The following LARGE1 variants were observed in gnomAD, a reference collection of about 807,000 sequenced individuals.
LARGE1 encodes xylosyl- and glucuronyltransferase LARGE1.
In LARGE1, 43 loss-of-function variants were observed where a neutral mutation model predicts 87.6. The observed-to-expected ratio is 0.49, with a 90% CI of 0.38 to 0.63. LARGE1 has a LOEUF of 0.63. LARGE1 is among the 30% of genes least tolerant of loss of function. The probability of loss-of-function intolerance (pLI) is 0.00; values close to 1 mark genes in which losing one functional copy is unlikely to be tolerated. For synonymous variants in LARGE1, 434 were observed against 394.6 expected, an observed-to-expected ratio of 1.10 and a Z score of -1.18; for missense variants, 802 against 1,000.2, an observed-to-expected ratio of 0.80 and a Z score of 2.67.
intron 11 of LARGE1, among the ~76,000 whole-genome samples, chr22:33,242,572 GT>G (rs1046250800): frequency 6.6e-6 from 1 of 151,798 alleles, no homozygotes; most frequent in Non-Finnish European, 1.5e-5. Context: ...TTTTCTTTCC[GT>G]TTTTTTCATA....
Position 33,347,641 on chromosome 22 carries a change from C to T in LARGE1, c.1132-9840G>A, listed in dbSNP as rs534943215. 1.1e-3 allele frequency among the ~76,000 whole-genome samples: 160 copies of T among 152,222 alleles called. 1 individual carries two copies. Among genetic ancestry groups the T allele is most frequent in the Middle Eastern group, 3.4e-3 (1 of 294 alleles). ...CACAAGTCCTTTTCCTTGTCATCTT[C>T]GGGATTATGACACATGAGAGAAAAG... On this transcript the variant is annotated intron_variant, in intron 9 of 14. Transcript: ENST00000397394.
intron 10 of LARGE1, among the ~76,000 whole-genome samples, chr22:33,325,236 T>G (rs766308009): frequency 1.6e-4 from 24 of 152,240 alleles, no homozygotes; most frequent in Non-Finnish European, 2.8e-4. Flanking sequence ...AGAAACATCC[T>G]GTGCTCACCA....
chr22:33,442,958 A>C (rs1358789052), intron 6 of LARGE1, among the ~76,000 whole-genome samples: 1 of 151,924 alleles, frequency 6.6e-6, no homozygotes. Flanking sequence ...CATCCGGCTA[A>C]TTTTTTGTAT....
intron 7 of LARGE1, among the ~76,000 whole-genome samples, chr22:33,397,360 C>T (rs2065786104): frequency 6.6e-6 from 1 of 152,222 alleles, no homozygotes; most frequent in Admixed American, 6.5e-5. Context: ...GCTGATCCTA[C>T]CGCCTTGGCC....
At chr22:33,233,711 T>C (rs1440199397) in intron 11 of LARGE1, among the ~76,000 whole-genome samples, 1 of 152,164 alleles carries the variant, frequency 6.6e-6, no homozygotes, top group Non-Finnish European at 1.5e-5. Flanking sequence ...ATAATTTTCT[T>C]TGCATTTTAA....
intron 1 of LARGE1, among the ~76,000 whole-genome samples, chr22:33,774,578 G>A (rs576103145): frequency 3.3e-5 from 5 of 152,140 alleles, no homozygotes; most frequent in Non-Finnish European, 5.9e-5. Context: ...GGCTGGTCTC[G>A]AACTCCTGAC....
intron 10 of LARGE1, among the ~76,000 whole-genome samples, chr22:33,321,354 T>C (rs1258785854): frequency 6.6e-6 from 1 of 152,200 alleles, no homozygotes; most frequent in Non-Finnish European, 1.5e-5. Flanking sequence ...GGGTGGCCCT[T>C]CTGATTCATA....
rs1043419880 is a variant in LARGE1 at position 33,914,758 on chromosome 22, T to C, written c.-83+5237A>G. On this transcript the variant is annotated intron_variant, in intron 1 of 14. Coordinates refer to ENST00000397394, the MANE Select transcript of LARGE1 (RefSeq NM_133642.5). ...CCTAAAGAGTGCTCAGTGTAGAGGC[T>C]AAGCTAACTGACTGAAGCAAGCCCT... is the stretch of plus-strand genomic sequence containing the variant. Among the ~76,000 whole-genome samples, 13 of 152,242 alleles carry C rather than the reference T, an allele frequency of 8.5e-5. No homozygotes were observed. In the East Asian group the frequency reaches 1.7e-3, roughly 20 times the overall value.
At chr22:33,110,202 T>C in the LARGE1 span, among the ~76,000 whole-genome samples, 1 of 152,184 alleles carries the variant, frequency 6.6e-6, no homozygotes, top group Non-Finnish European at 1.5e-5. Flanking sequence ...GCTATTGACA[T>C]TGCAATGTCT....
At chr22:33,189,214 T>C (rs1235209184) in intron 11 of LARGE1, among the ~76,000 whole-genome samples, 1 of 152,184 alleles carries the variant, frequency 6.6e-6, no homozygotes, top group African/African-American at 2.4e-5. Flanking sequence ...AACATCCTGA[T>C]AAGAATTAGC....
intron 11 of LARGE1, among the ~76,000 whole-genome samples, chr22:33,249,104 A>T (rs1926900619): frequency 6.6e-6 from 1 of 152,172 alleles, no homozygotes; most frequent in African/African-American, 2.4e-5. Flanking sequence ...ACATGATAAG[A>T]GTGTGTTTAG....
At chr22:33,640,320 T>A (rs1316568772) in intron 3 of LARGE1, among the ~76,000 whole-genome samples, 1 of 152,166 alleles carries the variant, frequency 6.6e-6, no homozygotes, top group Non-Finnish European at 1.5e-5. Context: ...CCAAGACTTT[T>A]AAGTGCATCT....
At chr22:33,654,482 G>A (rs1265084801) in intron 2 of LARGE1, among the ~76,000 whole-genome samples, 3 of 152,192 alleles carry the variant, frequency 2.0e-5, no homozygotes, top group African/African-American at 7.2e-5. Flanking sequence ...GGGCCCTGCT[G>A]CCTTGCCAGA....
rs79633744 is a variant in LARGE1, at chr22:33,608,410, C to T, written c.492-3852G>A. Reference sequence around the variant, plus strand: ...CAAAATTCCCTTTGTAAGTCATCTCCTCCTGGAAATCTTCTTTGAGCACTT... The same window carrying T: ...CAAAATTCCCTTTGTAAGTCATCTCTTCCTGGAAATCTTCTTTGAGCACTT... On this transcript the variant is annotated intron_variant, in intron 4 of 14. Transcript: ENST00000397394. Among the ~76,000 whole-genome samples the T allele has an allele frequency of 6.1e-3, 930 of 152,220 alleles. 7 individuals carry two copies. Among genetic ancestry groups the T allele is most frequent in the African/African-American group, 0.021 (876 of 41,544 alleles).
chr22:33,287,081 A>C (rs1299080515), intron 12 of LARGE1, among the ~76,000 whole-genome samples: 1 of 152,186 alleles, frequency 6.6e-6, no homozygotes, highest in Non-Finnish European at 1.5e-5. Flanking sequence ...TGCTCTAAAG[A>C]CTTCTGAACT....
chr22:33,372,432 G>C lies in LARGE1; in HGVS notation c.1131+9487C>G, dbSNP rs140920747. On this transcript the variant is annotated intron_variant, in intron 9 of 14. Transcript: ENST00000397394. ...ACTGGGTAATTTATAAAGAAAAAGA[G>C]GTTTAAGGGACTCACAGTTCCACGT... Among the ~76,000 whole-genome samples, 907 of 152,282 alleles carry C rather than the reference G, an allele frequency of 6.0e-3. 8 individuals carry two copies. The highest frequency in any genetic ancestry group is 0.033 in the South Asian group (158 of 4,820).
chr22:33,180,513 C>T (rs1923106159), intron 11 of LARGE1, among the ~76,000 whole-genome samples: 1 of 152,252 alleles, frequency 6.6e-6, no homozygotes, highest in South Asian at 2.1e-4. Context: ...GAAAAACTGG[C>T]AGTTCCTCAG....
At chr22:33,348,164 T>G (rs1490116777) in intron 9 of LARGE1, among the ~76,000 whole-genome samples, 1 of 152,082 alleles carries the variant, frequency 6.6e-6, no homozygotes, top group African/African-American at 2.4e-5. Context: ...ACAGGCACTT[T>G]AAATTGGGTT....
At chr22:33,181,520 T>C (rs1485976636) in intron 11 of LARGE1, among the ~76,000 whole-genome samples, 2 of 148,474 alleles carry the variant, frequency 1.3e-5, no homozygotes, top group Non-Finnish European at 3.0e-5. Context: ...GTTAGGCTAT[T>C]AGGCTACATT....
Sources: gnomAD v4.1 joint callset for allele counts (sites outside exome capture counted in the v4.1 genomes callset) on GRCh38, gnomAD v4.1.1 for gene constraint, MANE v1.5 for transcripts, NCBI Gene and HGNC (gene_info 2026-07-23, HGNC 2026-07-21) for gene names.